DPYSL3: variants seen among roughly 807,000 people sequenced by gnomAD.
DPYSL3 encodes the protein dihydropyrimidinase like 3, also known as dihydropyrimidinase-related protein 3.
A neutral mutation model predicts 66.1 loss-of-function variants in DPYSL3; 16 were observed. The ratio of observed to expected loss-of-function variants is 0.24; its 90% CI spans 0.16 to 0.37. DPYSL3 has a LOEUF of 0.37. Among genes scored for constraint, DPYSL3 ranks in the 10% least tolerant of loss-of-function variants. The pLI is 1.00. For missense variants in DPYSL3, 738 were observed against 916.2 expected, an observed-to-expected ratio of 0.81 and a Z score of 2.51; for synonymous variants, 338 against 345.1, an observed-to-expected ratio of 0.98 and a Z score of 0.23.
chr5:147,397,396 T>C (rs1758021626), intron 12 of DPYSL3, among the ~76,000 whole-genome samples: 1 of 152,318 alleles, frequency 6.6e-6, no homozygotes, highest in South Asian at 2.1e-4. Context: ...GGCCTTATTT[T>C]GAATTATTCG....
chr5:147,449,635 T>G (rs1752689894), intron 1 of DPYSL3, among the ~76,000 whole-genome samples: 1 of 152,316 alleles, frequency 6.6e-6, no homozygotes, highest in African/African-American at 2.4e-5. Context: ...ATTGCTAGCT[T>G]TGCCCCAATA....
At chr5:147,448,682 G>A (rs951596132) in intron 1 of DPYSL3, among the ~76,000 whole-genome samples, 1 of 152,096 alleles carries the variant, frequency 6.6e-6, no homozygotes, top group African/African-American at 2.4e-5. Flanking sequence ...ACAAACTGAG[G>A]GTCTTGCCAC....
In DPYSL3 at chr5:147,436,641, TTAA is replaced by T. The variant is rs368516202; in HGVS notation, c.382-11681_382-11679del. Among the ~76,000 whole-genome samples, 835 of 152,320 alleles carry T rather than the reference TTAA, an allele frequency of 5.5e-3. 7 individuals are homozygous for T. The highest frequency in any genetic ancestry group is 0.019 in the African/African-American group (800 of 41,570). On this transcript the variant is annotated intron_variant, in intron 1 of 13. Coordinates refer to ENST00000343218, the MANE Select transcript of DPYSL3 (RefSeq NM_001197294.2). ...GTACTTTATAACTTTTAAAAGGAAC[TTAA>T]TAAAGAAAATTATAAAAAAGTAAAA...
chr5:147,437,824 A>G (rs1752441468), intron 1 of DPYSL3, among the ~76,000 whole-genome samples: 1 of 152,194 alleles, frequency 6.6e-6, no homozygotes, highest in East Asian at 1.9e-4. Context: ...GAGGAAAATA[A>G]TATCTTTTTC....
At chr5:147,449,408 C>T (rs1445477083) in intron 1 of DPYSL3, among the ~76,000 whole-genome samples, 1 of 152,210 alleles carries the variant, frequency 6.6e-6, no homozygotes. Context: ...ACACACACAA[C>T]CAAACTTTCA....
intron 1 of DPYSL3, among the ~76,000 whole-genome samples, chr5:147,452,986 T>C (rs918892348): frequency 6.7e-6 from 1 of 148,402 alleles, no homozygotes; most frequent in African/African-American, 2.5e-5. Context: ...AACGATACAT[T>C]GAAACATGAG....
chr5:147,496,544 A>C (rs1411621322), intron 1 of DPYSL3, among the ~76,000 whole-genome samples: 1 of 152,048 alleles, frequency 6.6e-6, no homozygotes, highest in Non-Finnish European at 1.5e-5. Context: ...AACTCAAACA[A>C]ATTTACAAGA....
At chr5:147,439,378 G>GA (rs34893040) in intron 1 of DPYSL3, among the ~76,000 whole-genome samples, 3,693 of 148,222 alleles carry the variant, frequency 0.025, 137 homozygotes, top group African/African-American at 0.085. Flanking sequence ...GTCCTAGGGA[G>GA]AAAAAAAAAA....
Position 147,509,712 on chromosome 5 carries a change from C to A in DPYSL3, c.147G>T (p.Thr49=), listed in dbSNP as rs960125774. 18 of 1,535,876 alleles carry A rather than the reference C, an allele frequency of 1.2e-5. No homozygotes were observed. In the East Asian group the frequency reaches 2.7e-4, roughly 23 times the overall value. ...CNVEGAFESK[T]LDFDALSVGQ... is the part of the protein sequence containing the mutation. ...CCACGCTGAGGGCATCGAAATCCAG[C>A]GTCTTGCTCTCGAAGGCGCCCTCCA... The change falls in exon 1 of 14, where the codon ACG becomes ACT. Residue 49 remains threonine, a synonymous_variant. Transcript: ENST00000343218. The surrounding 1 kb of genome is among the most constrained non-coding windows in gnomAD (Gnocchi z 5.3).
chr5:147,428,143 T>C (rs1752232291), intron 1 of DPYSL3, among the ~76,000 whole-genome samples: 1 of 152,176 alleles, frequency 6.6e-6, no homozygotes, highest in Admixed American at 6.5e-5. Context: ...AGTAATTAAA[T>C]AAAATCTTTC....
intron 1 of DPYSL3, among the ~76,000 whole-genome samples, chr5:147,495,315 G>A (rs908904539): frequency 6.6e-6 from 1 of 152,176 alleles, no homozygotes; most frequent in East Asian, 1.9e-4. Context: ...AAAACTGGAA[G>A]CATTCCCTTT....
chr5:147,404,512 C>A (rs1393038193), intron 8 of DPYSL3, among the ~76,000 whole-genome samples: 1 of 152,164 alleles, frequency 6.6e-6, no homozygotes, highest in East Asian at 1.9e-4. Flanking sequence ...CCAGAATGGC[C>A]ACTGGCACGC....
intron 5 of DPYSL3, 34 bp from the exon 6 acceptor site, chr5:147,412,722 A>C (rs1456841421): frequency 6.3e-7 from 1 of 1,578,756 alleles, no homozygotes; most frequent in East Asian, 2.3e-5. Context: ...CACTCTTGCA[A>C]GCACTTTTAG....
Position 147,465,361 on chromosome 5 carries a change from A to G in DPYSL3, c.382-40398T>C, listed in dbSNP as rs1274297886. 9.9e-5 allele frequency among the ~76,000 whole-genome samples: 15 copies of G among 152,006 alleles called. 1 individual carries two copies. Among genetic ancestry groups the G allele is most frequent in the Non-Finnish European group, 2.2e-4 (15 of 67,990 alleles). On this transcript the variant is annotated intron_variant, in intron 1 of 13. Coordinates refer to ENST00000343218, the MANE Select transcript of DPYSL3 (RefSeq NM_001197294.2). Reference sequence around the variant, plus strand: ...GTTGCCCAGGCTGGAGTGCAGTGGCACAATCTTGGCTCATTGCAAATTCCA... The same window carrying G: ...GTTGCCCAGGCTGGAGTGCAGTGGCGCAATCTTGGCTCATTGCAAATTCCA...
At chr5:147,436,021 C>T (rs1001606628) in intron 1 of DPYSL3, among the ~76,000 whole-genome samples, 1 of 152,282 alleles carries the variant, frequency 6.6e-6, no homozygotes, top group Middle Eastern at 3.4e-3. Flanking sequence ...CATGCAGCTG[C>T]CCCACAATGA....
At chr5:147,465,163 C>A (rs1361168163) in intron 1 of DPYSL3, among the ~76,000 whole-genome samples, 2 of 152,144 alleles carry the variant, frequency 1.3e-5, no homozygotes, top group East Asian at 1.9e-4. Flanking sequence ...TACTGCACTC[C>A]AGCCTGGACA....
chr5:147,429,427 C>T (rs538935491), intron 1 of DPYSL3, among the ~76,000 whole-genome samples: 1 of 152,174 alleles, frequency 6.6e-6, no homozygotes, highest in South Asian at 2.1e-4. Context: ...TTTTCATCAG[C>T]CCAGAGTGGA....
At position 147,467,448 on chromosome 5, in the gene DPYSL3, C is replaced by T. The variant is rs999736102; in HGVS notation, c.381+42030G>A. Among the ~76,000 whole-genome samples, 20 of 152,264 alleles carry T rather than the reference C, an allele frequency of 1.3e-4. 1 individual carries two copies. Among genetic ancestry groups the T allele is most frequent in the African/African-American group, 4.8e-4 (20 of 41,544 alleles). ...GTGGATGGAAAATGAAGGAAACCTG[C>T]CCAACCTGGCCCCTAGTCAAATACT... is the stretch of plus-strand genomic sequence containing the variant. On this transcript the variant is annotated intron_variant, in intron 1 of 13. Transcript: ENST00000343218.
chr5:147,508,893 A>C (rs532515239), intron 1 of DPYSL3, among the ~76,000 whole-genome samples: 169 of 152,302 alleles, frequency 1.1e-3, no homozygotes, highest in Non-Finnish European at 2.0e-3. Context: ...GTGCTAAGAC[A>C]CAAGCGAGGC....
Sources: gnomAD v4.1 joint callset for allele counts (sites outside exome capture counted in the v4.1 genomes callset) on GRCh38, gnomAD v4.1.1 for gene constraint, Gnocchi (gnomAD v3.1) non-coding constraint, MANE v1.5 for transcripts, NCBI Gene and HGNC (gene_info 2026-07-23, HGNC 2026-07-21) for gene names.